The following SETD7 variants were observed in gnomAD, a reference collection of about 807,000 sequenced individuals.
The protein encoded by SETD7 is SET domain containing 7, histone lysine methyltransferase.
A neutral mutation model predicts 41.8 loss-of-function variants in SETD7; 16 were observed. The observed-to-expected ratio is 0.38, with a 90% CI of 0.26 to 0.58. The LOEUF (loss-of-function observed/expected upper bound fraction) is 0.58, where lower values mean the gene tolerates loss of function less well. Among genes scored for constraint, SETD7 ranks in the 20% least tolerant of loss-of-function variants. The pLI, the probability that SETD7 is intolerant of heterozygous loss-of-function variation, is 0.64. For synonymous variants in SETD7, 163 were observed against 169.7 expected, an observed-to-expected ratio of 0.96 and a Z score of 0.31; for missense variants, 346 against 459.7, an observed-to-expected ratio of 0.75 and a Z score of 2.26.
chr4:139,493,186 G>A (rs896618788), downstream of SETD7, among the ~76,000 whole-genome samples: 3 of 152,200 alleles, frequency 2.0e-5, no homozygotes, highest in Non-Finnish European at 2.9e-5. Flanking sequence ...AATTTGGGTG[G>A]TAAGACAGCA....
At chr4:139,501,064 C>A (rs1314877400), downstream of SETD7, among the ~76,000 whole-genome samples, 1 of 152,136 alleles carries the variant, frequency 6.6e-6, no homozygotes, top group African/African-American at 2.4e-5. Flanking sequence ...AAAAATAGCA[C>A]CCCTCTTGGC....
chr4:139,495,045 A>T (rs572771837), downstream of SETD7, among the ~76,000 whole-genome samples: 1 of 152,218 alleles, frequency 6.6e-6, no homozygotes, highest in Admixed American at 6.5e-5. Context: ...TAAAATGGAC[A>T]TATTTTTCCA....
downstream of SETD7, chr4:139,495,824 G>A (rs1417733800): frequency 1.3e-5 from 2 of 152,390 alleles, no homozygotes; most frequent in South Asian, 2.1e-4. Flanking sequence ...ATAGGGATTA[G>A]TTGCCAGTGG....
At chr4:139,521,197 G>A (rs112926035) in intron 5 of SETD7, among the ~76,000 whole-genome samples, 23,817 of 152,058 alleles carry the variant, frequency 0.16, 2,341 homozygotes, top group African/African-American at 0.27. Flanking sequence ...AGGCTGAGGC[G>A]GGTGGATTAC....
intron 2 of SETD7, among the ~76,000 whole-genome samples, chr4:139,537,936 A>C (rs1026146866): frequency 1.3e-5 from 2 of 152,228 alleles, no homozygotes; most frequent in African/African-American, 2.4e-5. Context: ...AATGCTTAGA[A>C]TATGGTCTGG....
rs1375849583 is a variant in SETD7 at position 139,508,547 on chromosome 4, G to C, written c.*3116C>G. 6.6e-6 allele frequency: 1 copy of C among 152,216 alleles called. No homozygotes were observed. The highest frequency in any genetic ancestry group is 1.5e-5 in the Non-Finnish European group (1 of 68,044). 9.4% of individuals were successfully genotyped at this position (152,216 alleles called of 1,614,324 possible). A position where few individuals can be genotyped will look rare whatever the true frequency, so the allele number is the denominator to read the frequency against. On this transcript the variant is annotated 3_prime_UTR_variant, in exon 8 of 8. Coordinates refer to ENST00000274031, the MANE Select transcript of SETD7 (RefSeq NM_030648.4). Reference sequence around the variant, plus strand: ...TATTTCATCACAGAAAAGATGCTAAGGGAAGATCTGGTCATGCAGGAGTTG... The same window carrying C: ...TATTTCATCACAGAAAAGATGCTAACGGAAGATCTGGTCATGCAGGAGTTG...
At chr4:139,553,123 C>G (rs1239958669) in intron 1 of SETD7, among the ~76,000 whole-genome samples, 1 of 152,200 alleles carries the variant, frequency 6.6e-6, no homozygotes, top group Non-Finnish European at 1.5e-5. Flanking sequence ...ACACAGAACA[C>G]TCTCTCGACA....
downstream of SETD7, among the ~76,000 whole-genome samples, chr4:139,493,179 T>C (rs7666900): frequency 0.8 from 122,180 of 152,162 alleles, 49,874 homozygotes; most frequent in East Asian, 0.98. Flanking sequence ...ATGAAACAAT[T>C]TGGGTGGTAA....
chr4:139,551,131 C>T (rs565700979), intron 1 of SETD7, among the ~76,000 whole-genome samples: 2 of 152,328 alleles, frequency 1.3e-5, no homozygotes, highest in East Asian at 1.9e-4. Context: ...CAGCATGTCC[C>T]GGTTGCAAAG....
At chr4:139,531,148 T>G (rs1727474178) in intron 3 of SETD7, among the ~76,000 whole-genome samples, 1 of 152,172 alleles carries the variant, frequency 6.6e-6, no homozygotes, top group African/African-American at 2.4e-5. Context: ...TCACCAATGC[T>G]CCTTCCTAAG....
rs1259086137 is a variant in SETD7, at chr4:139,508,179, A to T, written c.*3484T>A. On this transcript the variant is annotated 3_prime_UTR_variant, in exon 8 of 8. Coordinates refer to ENST00000274031, the MANE Select transcript of SETD7 (RefSeq NM_030648.4). Reference sequence around the variant, plus strand: ...GTTAAAAATTGTTACATTTGGCCTCATTGGCCTTTCTGGGTGGGTCGTTGG... The same window carrying T: ...GTTAAAAATTGTTACATTTGGCCTCTTTGGCCTTTCTGGGTGGGTCGTTGG... 2.6e-5 allele frequency: 4 copies of T among 152,106 alleles called. No individual in the cohort carries two copies. The highest frequency in any genetic ancestry group is 2.9e-5 in the Non-Finnish European group (2 of 68,024). 9.4% of individuals were successfully genotyped at this position (152,106 alleles called of 1,614,324 possible).
In SETD7 at chr4:139,533,197, T is replaced by C; in HGVS notation, c.340A>G (p.Ile114Val). ...TATATCCAGCACACTCCATGACGAATGTTATCTTTATACTGCCCCTTGAAG... is the reference window on the plus strand; with the variant it reads ...TATATCCAGCACACTCCATGACGAACGTTATCTTTATACTGCCCCTTGAAG... ...LIFKGQYKDN[I>V]RHGVCWIYYP... Residue 114 changes from isoleucine to valine, a missense_variant, in exon 3 of 8, where the codon ATT becomes GTT. This residue lies in a region of SETD7 where 266 missense variants were observed against 377.0 expected (regional missense o/e 0.71). Transcript: ENST00000274031. The C allele has an allele frequency of 6.2e-7, 1 of 1,614,198 alleles. No homozygotes were observed. The highest frequency in any genetic ancestry group is 8.5e-7 in the Non-Finnish European group (1 of 1,180,022).
At chr4:139,500,486 T>G (rs1726547973) in intron 7 of SETD7, among the ~76,000 whole-genome samples, 1 of 152,226 alleles carries the variant, frequency 6.6e-6, no homozygotes, top group Admixed American at 6.5e-5. Flanking sequence ...AAACTAAGTT[T>G]AAGAAAGCTG....
At chr4:139,505,226 C>T (rs1275175542), downstream of SETD7, among the ~76,000 whole-genome samples, 3 of 152,164 alleles carry the variant, frequency 2.0e-5, no homozygotes. Flanking sequence ...CTTTGGGGTC[C>T]TGGGCAGAAG....
downstream of SETD7, among the ~76,000 whole-genome samples, chr4:139,502,225 A>T (rs1726594812): frequency 6.6e-6 from 1 of 152,244 alleles, no homozygotes. Context: ...AATAAAACAA[A>T]CTAAAATCCC....
At chr4:139,520,846 GT>G (rs1727159496) in intron 5 of SETD7, among the ~76,000 whole-genome samples, 1 of 152,202 alleles carries the variant, frequency 6.6e-6, no homozygotes, top group Non-Finnish European at 1.5e-5. Flanking sequence ...ATATGCAACA[GT>G]GACAAACAAT....
intron 7 of SETD7, 113 bp downstream of exon 7, chr4:139,517,772 G>C: frequency 8.7e-7 from 1 of 1,143,964 alleles, no homozygotes; most frequent in Non-Finnish European, 1.2e-6. Context: ...AGGACCCATG[G>C]TCATTCAGAT....
intron 2 of SETD7, 128 bp downstream of exon 2, chr4:139,546,792 G>T: frequency 1.6e-6 from 2 of 1,288,914 alleles, no homozygotes; most frequent in Non-Finnish European, 2.2e-6. Flanking sequence ...GTGCCTACAG[G>T]TAGGGGTTAA....
rs750814375 is a variant in SETD7 at position 139,506,334 on chromosome 4, G to A, written c.*5329C>T. 4 of 152,622 alleles carry A rather than the reference G, an allele frequency of 2.6e-5. No individual in the cohort carries two copies. The highest frequency in any genetic ancestry group is 2.9e-5 in the Non-Finnish European group (2 of 68,042). The allele number at this position is 152,622 out of a possible 1,614,324, so 9.5% of individuals were successfully genotyped here. A position where few individuals can be genotyped will look rare whatever the true frequency, so the allele number is the denominator to read the frequency against. The stretch of plus-strand genomic sequence containing the variant: ...ATTCCACAAGAGACCAAAGATGCTC[G>A]TTAACCGTGATGGGGTTAACTTTTG... On this transcript the variant is annotated 3_prime_UTR_variant, in exon 8 of 8. Coordinates refer to ENST00000274031, the MANE Select transcript of SETD7 (RefSeq NM_030648.4).
Sources: allele counts gnomAD v4.1 joint callset (sites outside exome capture counted in the v4.1 genomes callset), GRCh38; gene constraint gnomAD v4.1.1; regional missense constraint gnomAD v4.1.1; transcripts MANE v1.5; gene names NCBI Gene and HGNC (gene_info 2026-07-23, HGNC 2026-07-21).